LINGO2: variants seen among roughly 807,000 people sequenced by gnomAD.
The protein encoded by LINGO2 is leucine rich repeat and Ig domain containing 2, also known as leucine-rich repeat and immunoglobulin-like domain-containing nogo receptor-interacting protein 2.
In LINGO2, 14 loss-of-function variants were observed where a neutral mutation model predicts 30.6. That is an observed-to-expected ratio of 0.46 (90% confidence interval 0.30 to 0.72). LINGO2 has a LOEUF of 0.72. Among genes scored for constraint, LINGO2 ranks in the 30% least tolerant of loss-of-function variants. The pLI is 0.07. For missense variants in LINGO2, 729 were observed against 751.7 expected (o/e 0.97, Z 0.35); for synonymous variants, 317 against 288.5 (o/e 1.10, Z -1.00).
At chr9:28,518,156 C>A (rs974925538) in intron 1 of LINGO2, among the ~76,000 whole-genome samples, 1 of 151,916 alleles carries the variant, frequency 6.6e-6, no homozygotes, top group Non-Finnish European at 1.5e-5. Context: ...CTCAGAGGTG[C>A]CCACAACTAC....
At chr9:28,596,874 C>A (rs981646333) in intron 1 of LINGO2, among the ~76,000 whole-genome samples, 2 of 152,120 alleles carry the variant, frequency 1.3e-5, no homozygotes, top group Non-Finnish European at 2.9e-5. Context: ...GGGGACTGAG[C>A]ATGCCTGTCT....
intron 1 of LINGO2, among the ~76,000 whole-genome samples, chr9:28,569,220 A>T (rs914158160): frequency 1.3e-5 from 2 of 151,984 alleles, no homozygotes; most frequent in African/African-American, 2.4e-5. Flanking sequence ...ATTATAGAAA[A>T]CAGTATGGAG....
intron 1 of LINGO2, among the ~76,000 whole-genome samples, chr9:28,580,591 A>G (rs535562873): frequency 6.6e-6 from 1 of 152,144 alleles, no homozygotes; most frequent in South Asian, 2.1e-4. Context: ...GAAAAAAGTG[A>G]CACATTAACT....
intron 1 of LINGO2, among the ~76,000 whole-genome samples, chr9:28,501,339 T>C (rs1279394835): frequency 6.6e-6 from 1 of 152,124 alleles, no homozygotes; most frequent in Non-Finnish European, 1.5e-5. Context: ...TGGTAGAAAA[T>C]AAAACTTTTT....
chr9:28,358,511 A>G (rs1162050539), intron 3 of LINGO2, among the ~76,000 whole-genome samples: 1 of 152,172 alleles, frequency 6.6e-6, no homozygotes, highest in Non-Finnish European at 1.5e-5. Context: ...CACAGGTCTC[A>G]GGATGACAGC....
At chr9:28,944,976 T>C in the LINGO2 span, among the ~76,000 whole-genome samples, 288 of 152,222 alleles carry the variant, frequency 1.9e-3, 1 homozygote, top group African/African-American at 6.5e-3. Context: ...CAGGTGAAGG[T>C]GAATTAAGTG....
the LINGO2 span, among the ~76,000 whole-genome samples, chr9:29,211,251 G>A: frequency 2.8e-4 from 42 of 152,132 alleles, no homozygotes; most frequent in African/African-American, 9.6e-4. Context: ...CAGACACGGG[G>A]GTAATCACAC....
intron 5 of LINGO2, among the ~76,000 whole-genome samples, chr9:28,011,593 G>A (rs1341873902): frequency 6.6e-6 from 1 of 152,176 alleles, no homozygotes; most frequent in Non-Finnish European, 1.5e-5. Context: ...AGGCAGATGG[G>A]TGAAGTTATT....
chr9:28,138,403 A>G (rs536733685), intron 4 of LINGO2, among the ~76,000 whole-genome samples: 1 of 152,340 alleles, frequency 6.6e-6, no homozygotes, highest in South Asian at 2.1e-4. Flanking sequence ...TTCATAAGAC[A>G]ACAAGTCGAT....
chr9:28,634,485 CTTTTTTTTTT>C (rs755583837), intron 1 of LINGO2, among the ~76,000 whole-genome samples: 42 of 124,676 alleles, frequency 3.4e-4, no homozygotes, highest in Non-Finnish European at 6.0e-4. Flanking sequence ...TTCTTTTTTT[CTTTTTTTTTT>C]TTTTTTTTGA....
chr9:28,650,200 T>C (rs574610734), intron 1 of LINGO2, among the ~76,000 whole-genome samples: 64 of 152,252 alleles, frequency 4.2e-4, no homozygotes, highest in African/African-American at 1.5e-3. Context: ...GTTACAACTC[T>C]CAAAACAAAA....
chr9:28,035,297 T>C (rs1423334294), intron 4 of LINGO2, among the ~76,000 whole-genome samples: 1 of 152,228 alleles, frequency 6.6e-6, no homozygotes, highest in East Asian at 1.9e-4. Context: ...TATTTCCTTA[T>C]AGGACATATT....
chr9:28,020,355 C>A (rs1345059435), intron 4 of LINGO2, among the ~76,000 whole-genome samples: 1 of 152,058 alleles, frequency 6.6e-6, no homozygotes, highest in Non-Finnish European at 1.5e-5. Context: ...ACGGTGAAAC[C>A]TCGACTCTAC....
At chr9:28,601,675 T>G (rs1268763107) in intron 1 of LINGO2, among the ~76,000 whole-genome samples, 1 of 152,128 alleles carries the variant, frequency 6.6e-6, no homozygotes, top group African/African-American at 2.4e-5. Flanking sequence ...GTAGCACTCA[T>G]TCATTTGGAA....
intron 3 of LINGO2, among the ~76,000 whole-genome samples, chr9:28,344,806 T>C (rs1353868600): frequency 6.6e-6 from 1 of 152,172 alleles, no homozygotes; most frequent in Non-Finnish European, 1.5e-5. Context: ...TTGTCCATCA[T>C]TTAGCTTAGC....
the LINGO2 span, among the ~76,000 whole-genome samples, chr9:28,993,980 C>A: frequency 6.6e-6 from 1 of 151,172 alleles, no homozygotes; most frequent in African/African-American, 2.4e-5. Context: ...CCCTCTCTCA[C>A]CACTCCTATT....
chr9:28,469,485 G>T (rs985726416), intron 2 of LINGO2, among the ~76,000 whole-genome samples: 1 of 152,046 alleles, frequency 6.6e-6, no homozygotes, highest in African/African-American at 2.4e-5. Flanking sequence ...CAAATTCCAA[G>T]TAGAATAAAG....
the LINGO2 span, among the ~76,000 whole-genome samples, chr9:29,058,925 T>C: frequency 1.6e-4 from 24 of 152,156 alleles, no homozygotes; most frequent in African/African-American, 5.5e-4. Flanking sequence ...TCATTTATTG[T>C]ATTATCTTTT....
At chr9:28,559,348 T>C (rs1437592890) in intron 1 of LINGO2, among the ~76,000 whole-genome samples, 1 of 152,166 alleles carries the variant, frequency 6.6e-6, no homozygotes, top group African/African-American at 2.4e-5. Flanking sequence ...TGAGAATATA[T>C]GTCCCATTTC....
Sources: gnomAD v4.1 joint callset for allele counts (sites outside exome capture counted in the v4.1 genomes callset) on GRCh38, gnomAD v4.1.1 for gene constraint, MANE v1.5 for transcripts, NCBI Gene and HGNC (gene_info 2026-07-23, HGNC 2026-07-21) for gene names.